Variants in ZBTB46 observed in about 807,000 individuals in gnomAD.
ZBTB46 encodes zinc finger and BTB domain-containing protein 46.
Under a neutral mutation model 44.1 loss-of-function variants are expected in ZBTB46, and 8 were observed. That is an observed-to-expected ratio of 0.18 (90% confidence interval 0.11 to 0.33). ZBTB46 has a LOEUF of 0.33. Among genes scored for constraint, ZBTB46 ranks in the 10% least tolerant of loss-of-function variants. The probability of loss-of-function intolerance (pLI) is 1.00; values close to 1 mark genes in which losing one functional copy is unlikely to be tolerated. For missense variants in ZBTB46, 651 were observed against 847.7 expected (o/e 0.77, Z 2.88); for synonymous variants, 409 against 382.3 (o/e 1.07, Z -0.81).
At chr20:63,788,439 C>T (rs2092533409) in intron 2 of ZBTB46, 1 of 152,234 alleles carries the variant, frequency 6.6e-6, no homozygotes, top group Non-Finnish European at 1.5e-5. Flanking sequence ...ACATAAGGGA[C>T]AACCATTCAG....
chr20:63,751,687 G>T (rs1568828032), intron 4 of ZBTB46, among the ~76,000 whole-genome samples: 2 of 123,686 alleles, frequency 1.6e-5, no homozygotes, highest in African/African-American at 3.1e-5. Flanking sequence ...CCCCCCGGTG[G>T]GTCTCCCCAT....
At position 63,760,762 on chromosome 20, in the gene ZBTB46, A is replaced by T. The variant is rs566612662; in HGVS notation, c.1223-7901T>A. Among the ~76,000 whole-genome samples, 132 of 137,298 alleles carry T rather than the reference A, an allele frequency of 9.6e-4. 1 individual carries two copies. The highest frequency in any genetic ancestry group is 3.2e-3 in the African/African-American group (125 of 39,530). 90.1% of individuals were successfully genotyped at this position (137,298 alleles called of 152,430 possible). On this transcript the variant is annotated intron_variant, in intron 3 of 4. Transcript: ENST00000245663. The stretch of plus-strand genomic sequence containing the variant: ...GTGAGCCACCGCGCCAGGCCGAGTT[A>T]TATCAGTTTTATTATCTTTTCAACA...
chr20:63,773,035 C>T (rs1459033105), intron 3 of ZBTB46, among the ~76,000 whole-genome samples: 1 of 152,166 alleles, frequency 6.6e-6, no homozygotes, highest in Admixed American at 6.5e-5. Context: ...CAAGGTCAGA[C>T]CTGGCACCAC....
chr20:63,747,020 C>A lies in ZBTB46; in HGVS notation c.1680G>T (p.Ala560=), dbSNP rs774987565. 1.2e-6 allele frequency: 2 copies of A among 1,608,038 alleles called. No homozygotes were observed. The highest frequency in any genetic ancestry group is 1.3e-5 in the African/African-American group (1 of 74,904). The change falls in exon 5 of 5, where the codon GCG becomes GCT. Residue 560 remains alanine, a synonymous_variant. Coordinates refer to ENST00000245663, the MANE Select transcript of ZBTB46 (RefSeq NM_001369741.1). ...CCTCATCCTTGTCGTCCGCCAACAG[C>A]GCATCCTCAGGGGCCAGGCCCTCGT... The part of the protein sequence containing the change: ...EDDEGLAPED[A]LLADDKDEED...
At chr20:63,769,965 A>G (rs2092353071) in intron 3 of ZBTB46, among the ~76,000 whole-genome samples, 2 of 152,198 alleles carry the variant, frequency 1.3e-5, no homozygotes, top group South Asian at 4.1e-4. Flanking sequence ...AGCTGGTCAG[A>G]AGCCGTCCCC....
chr20:63,793,800 T>C (rs2092579942), intron 1 of ZBTB46, among the ~76,000 whole-genome samples: 1 of 104,932 alleles, frequency 9.5e-6, no homozygotes, highest in African/African-American at 4.3e-5. Context: ...TAATAATGTA[T>C]TTCAATCCAA....
In ZBTB46 at chr20:63,790,434, G is replaced by C; in HGVS notation, c.324C>G (p.Ala108=). Residue 108 remains alanine (A), a synonymous_variant, in exon 2 of 5, where the codon GCC becomes GCG. Coordinates refer to ENST00000245663, the MANE Select transcript of ZBTB46 (RefSeq NM_001369741.1). ...TGTCCGTCATCTGCAGGAAGCTGGCGGCTGACATCACCTCGATGACGTTCC... is the reference window on the plus strand; with the variant it reads ...TGTCCGTCATCTGCAGGAAGCTGGCCGCTGACATCACCTCGATGACGTTCC... ...TSRNVIEVMS[A]ASFLQMTDIV... 6.2e-7 allele frequency: 1 copy of C among 1,613,134 alleles called. No homozygotes were observed. The highest frequency in any genetic ancestry group is 8.5e-7 in the Non-Finnish European group (1 of 1,180,010).
intron 2 of ZBTB46, among the ~76,000 whole-genome samples, chr20:63,782,195 C>CAACCCCCG (rs2092476436): frequency 1.1e-5 from 1 of 93,832 alleles, no homozygotes; most frequent in Non-Finnish European, 2.4e-5. Flanking sequence ...GCCCAGGCTG[C>CAACCCCCG]AACCCCCGAG....
intron 1 of ZBTB46, among the ~76,000 whole-genome samples, chr20:63,824,686 G>A (rs1439328489): frequency 3.9e-4 from 28 of 72,136 alleles, no homozygotes; most frequent in Non-Finnish European, 5.1e-4. Flanking sequence ...CCATCTCACC[G>A]TCATCAAACC....
chr20:63,761,841 T>C (rs759470081), intron 3 of ZBTB46, among the ~76,000 whole-genome samples: 1 of 152,146 alleles, frequency 6.6e-6, no homozygotes, highest in Non-Finnish European at 1.5e-5. Flanking sequence ...TTGAGGGTTG[T>C]GTAAACGTAT....
rs2092074321 is a variant in ZBTB46, at chr20:63,744,954, C to T, written c.*1976G>A. On this transcript the variant is annotated 3_prime_UTR_variant, in exon 5 of 5. Coordinates refer to ENST00000245663, the MANE Select transcript of ZBTB46 (RefSeq NM_001369741.1). ...TGGTGGGTAGCAAAGGTCTGGTTTC[C>T]AAATGCATTTTGTAAGAAAGTCAGT... The T allele has an allele frequency of 6.6e-6, 1 of 152,288 alleles. No individual in the cohort carries two copies. Among genetic ancestry groups the T allele is most frequent in the African/African-American group, 2.4e-5 (1 of 41,410 alleles). The allele number at this position is 152,288 out of a possible 1,614,324, so 9.4% of individuals were successfully genotyped here.
chr20:63,769,291 G>C lies in ZBTB46; in HGVS notation c.1222+6387C>G, dbSNP rs1408556256. On this transcript the variant is annotated intron_variant, in intron 3 of 4. Coordinates refer to ENST00000245663, the MANE Select transcript of ZBTB46 (RefSeq NM_001369741.1). ...TGTGCCGGCTCCCTGGGCTGGGTCT[G>C]GCGGTTCCCCAGAGCTCATCCTGTG... The C allele has an allele frequency of 1.1e-5, 11 of 985,316 alleles. No individual in the cohort carries two copies. The East Asian group carries it at 3.4e-4, about 30-fold the overall frequency. The allele number at this position is 985,316 out of a possible 1,614,324, so 61.0% of individuals were successfully genotyped here.
At chr20:63,779,550 G>T (rs1290721877) in intron 2 of ZBTB46, among the ~76,000 whole-genome samples, 1 of 151,426 alleles carries the variant, frequency 6.6e-6, no homozygotes, top group Non-Finnish European at 1.5e-5. Context: ...CTCCTGAGTA[G>T]CTGGGACTAC....
chr20:63,818,621 C>T (rs990675486), intron 1 of ZBTB46, among the ~76,000 whole-genome samples: 41 of 152,128 alleles, frequency 2.7e-4, no homozygotes, highest in Admixed American at 1.1e-3. Flanking sequence ...TTTAGGATGC[C>T]GAGGCGGACA....
At chr20:63,801,249 C>G (rs1216899923) in intron 1 of ZBTB46, among the ~76,000 whole-genome samples, 3 of 152,130 alleles carry the variant, frequency 2.0e-5, no homozygotes, top group Admixed American at 2.0e-4. Context: ...GGTTTGTGAA[C>G]ACACCAATCA....
chr20:63,831,315 C>CGCGT (rs1343647363), upstream of ZBTB46: 1 of 137,950 alleles, frequency 7.2e-6, no homozygotes, highest in Non-Finnish European at 1.6e-5. Flanking sequence ...CGCGCGCGCG[C>CGCGT]CCCGCCCGCG....
chr20:63,822,645 A>G (rs937213745), intron 1 of ZBTB46, among the ~76,000 whole-genome samples: 1 of 152,148 alleles, frequency 6.6e-6, no homozygotes, highest in African/African-American at 2.4e-5. Flanking sequence ...AGCACTGACC[A>G]CACGGCGAGC....
chr20:63,796,049 G>T (rs1262359696), intron 1 of ZBTB46, among the ~76,000 whole-genome samples: 1 of 152,242 alleles, frequency 6.6e-6, no homozygotes, highest in Non-Finnish European at 1.5e-5. Context: ...CTGGATAGAT[G>T]CCTGTGTCGC....
chr20:63,780,599 A>G (rs1283565640), intron 2 of ZBTB46, among the ~76,000 whole-genome samples: 4 of 151,752 alleles, frequency 2.6e-5, no homozygotes, highest in Non-Finnish European at 5.9e-5. Flanking sequence ...TCAGGAGTTC[A>G]AGACCATCCT....
Sources: gnomAD v4.1 joint callset for allele counts (sites outside exome capture counted in the v4.1 genomes callset) on GRCh38, gnomAD v4.1.1 for gene constraint, MANE v1.5 for transcripts, NCBI Gene and HGNC (gene_info 2026-07-23, HGNC 2026-07-21) for gene names.